GASK1A: variants seen among roughly 807,000 people sequenced by gnomAD.
GASK1A encodes golgi associated kinase 1A.
Under a neutral mutation model 41.2 loss-of-function variants are expected in GASK1A, and 40 were observed. That is an observed-to-expected ratio of 0.97 (90% confidence interval 0.75 to 1.27). The LOEUF (loss-of-function observed/expected upper bound fraction) is 1.27, where lower values mean the gene tolerates loss of function less well. Among genes scored for constraint, GASK1A ranks in the 50% most tolerant of loss-of-function variants. The probability of loss-of-function intolerance (pLI) is 0.00; values close to 1 mark genes in which losing one functional copy is unlikely to be tolerated. For missense variants in GASK1A, 678 were observed against 745.1 expected (o/e 0.91, Z 1.05); for synonymous variants, 316 against 307.1 (o/e 1.03, Z -0.30).
chr3:43,048,007 A>G (rs2089672176), intron 2 of GASK1A, among the ~76,000 whole-genome samples: 1 of 152,224 alleles, frequency 6.6e-6, no homozygotes, highest in Admixed American at 6.5e-5. Context: ...AGGCAAATGA[A>G]TGTGACAGCA....
intron 1 of GASK1A, among the ~76,000 whole-genome samples, chr3:43,027,909 C>T (rs1243158640): frequency 1.3e-5 from 2 of 152,154 alleles, no homozygotes; most frequent in Non-Finnish European, 2.9e-5. Context: ...CAGACTACAA[C>T]TTGGTTTTAT....
At chr3:43,025,434 G>A (rs1282384212) in intron 1 of GASK1A, among the ~76,000 whole-genome samples, 1 of 152,168 alleles carries the variant, frequency 6.6e-6, no homozygotes, top group Non-Finnish European at 1.5e-5. Flanking sequence ...GGATGAGATG[G>A]TGAATAAATT....
At chr3:43,054,079 G>C (rs141798993) in intron 3 of GASK1A, 4 of 323,676 alleles carry the variant, frequency 1.2e-5, no homozygotes, top group Non-Finnish European at 1.2e-5. Context: ...TGGCTCACAG[G>C]CTGGTGCTGC....
chr3:43,003,605 C>A (rs1028691211), intron 1 of GASK1A, among the ~76,000 whole-genome samples: 1 of 152,056 alleles, frequency 6.6e-6, no homozygotes, highest in Non-Finnish European at 1.5e-5. Flanking sequence ...GTGAAGGCAG[C>A]CTGCTACCAG....
chr3:43,020,012 G>C (rs1215520391), intron 1 of GASK1A, among the ~76,000 whole-genome samples: 2 of 152,196 alleles, frequency 1.3e-5, no homozygotes, highest in African/African-American at 4.8e-5. Flanking sequence ...GAGGAAAGAT[G>C]ACTTAGCCTC....
At position 43,053,597 on chromosome 3, in the gene GASK1A, G is replaced by A. The variant is rs373930947; in HGVS notation, c.1367G>A (p.Arg456Gln). ...PSDPCVEERL[R>Q]EKCQNPAELR... The stretch of plus-strand genomic sequence containing the variant: ...GACCCCTGTGTGGAAGAGAGGCTCC[G>A]AGAGAAATGCCAGAACCCAGCCGAG... Residue 456 changes from arginine to glutamine, a missense_variant, in exon 3 of 5, where the codon CGA becomes CAA. Arg to Gln is a conservative substitution (Grantham distance 43). Coordinates refer to ENST00000430121, the MANE Select transcript of GASK1A (RefSeq NM_001129908.3). The A allele has an allele frequency of 1.6e-4, 243 of 1,551,692 alleles. 1 individual carries two copies. The African/African-American group carries it at 2.8e-3, about 18-fold the overall frequency.
chr3:43,013,971 A>G (rs2089477011), intron 1 of GASK1A, among the ~76,000 whole-genome samples: 1 of 151,520 alleles, frequency 6.6e-6, no homozygotes, highest in Non-Finnish European at 1.5e-5. Context: ...GTGAAGCCAC[A>G]GGAAGGGGCT....
intron 1 of GASK1A, among the ~76,000 whole-genome samples, chr3:43,021,871 G>A (rs2089524163): frequency 1.3e-5 from 2 of 152,218 alleles, no homozygotes; most frequent in South Asian, 4.1e-4. Context: ...TTAAGCCCAT[G>A]GGCATCTTCT....
In GASK1A at chr3:43,053,637, C is replaced by T. The variant is rs2089702483; in HGVS notation, c.1407C>T (p.His469=). 1.9e-5 allele frequency: 29 copies of T among 1,551,726 alleles called. No homozygotes were observed. Among genetic ancestry groups the T allele is most frequent in the Non-Finnish European group, 2.4e-5 (27 of 1,146,988 alleles). ...ACCCAGCCGAGCTGCGGCTGGTCCA[C>T]ATCCTGGTACGTCTCCTCCACACCA... ...CQNPAELRLV[H]ILVRSSDPSH... is the part of the protein sequence containing the mutation. Residue 469 remains histidine, a synonymous_variant, in exon 3 of 5, where the codon CAC becomes CAT. Coordinates refer to ENST00000430121, the MANE Select transcript of GASK1A (RefSeq NM_001129908.3).
chr3:43,021,712 A>G (rs1559402408), intron 1 of GASK1A, among the ~76,000 whole-genome samples: 1 of 152,238 alleles, frequency 6.6e-6, no homozygotes, highest in Non-Finnish European at 1.5e-5. Context: ...AACAGGGCAG[A>G]GAGGTTGTGT....
chr3:43,003,172 T>G (rs2089418720), intron 1 of GASK1A, among the ~76,000 whole-genome samples: 1 of 152,150 alleles, frequency 6.6e-6, no homozygotes, highest in Non-Finnish European at 1.5e-5. Flanking sequence ...TAAATATGCA[T>G]TTTTAAAGGA....
intron 1 of GASK1A, among the ~76,000 whole-genome samples, chr3:43,006,948 A>G (rs890926556): frequency 6.6e-6 from 1 of 151,770 alleles, no homozygotes; most frequent in Non-Finnish European, 1.5e-5. Flanking sequence ...TCCACTCGAC[A>G]TAAGTTTCCC....
chr3:43,050,983 A>T (rs1031116359), intron 2 of GASK1A, among the ~76,000 whole-genome samples: 1 of 151,998 alleles, frequency 6.6e-6, no homozygotes, highest in Non-Finnish European at 1.5e-5. Flanking sequence ...GCTAATTTAA[A>T]TTTTTTTATC....
At chr3:43,043,230 C>A (rs1050363091) in intron 2 of GASK1A, among the ~76,000 whole-genome samples, 2 of 152,132 alleles carry the variant, frequency 1.3e-5, no homozygotes, top group African/African-American at 2.4e-5. Context: ...AGTGTCTCTG[C>A]GCTAGGGGCA....
intron 1 of GASK1A, among the ~76,000 whole-genome samples, chr3:43,032,020 T>C (rs1298795911): frequency 6.6e-6 from 1 of 152,176 alleles, no homozygotes; most frequent in African/African-American, 2.4e-5. Flanking sequence ...CAGAAGAGCA[T>C]GGGTCTGCAG....
intron 3 of GASK1A, 62 bp from the exon 4 acceptor site, chr3:43,055,370 A>C (rs1471237645): frequency 1.6e-6 from 2 of 1,237,446 alleles, no homozygotes; most frequent in Non-Finnish European, 2.3e-6. Context: ...GACCAAGTCC[A>C]TAGGTGCCAG....
chr3:43,037,983 G>C (rs660446), intron 2 of GASK1A, among the ~76,000 whole-genome samples: 88,223 of 151,936 alleles, frequency 0.58, 25,854 homozygotes, highest in Admixed American at 0.65. Flanking sequence ...GTTCTTTTGT[G>C]TTAAAAAAAA....
chr3:43,054,051 A>G (rs937404847), intron 3 of GASK1A: 3 of 344,146 alleles, frequency 8.7e-6, no homozygotes, highest in African/African-American at 6.4e-5. Context: ...GCATTAGGGC[A>G]TGAACCCAAG....
At chr3:43,019,683 G>T (rs1344741862) in intron 1 of GASK1A, among the ~76,000 whole-genome samples, 1 of 151,978 alleles carries the variant, frequency 6.6e-6, no homozygotes, top group East Asian at 1.9e-4. Flanking sequence ...AAGGGGCAAA[G>T]GTCGGGGAAC....
Sources: allele counts gnomAD v4.1 joint callset (sites outside exome capture counted in the v4.1 genomes callset), GRCh38; gene constraint gnomAD v4.1.1; transcripts MANE v1.5; gene names NCBI Gene and HGNC (gene_info 2026-07-23, HGNC 2026-07-21).